The following RREB1 variants were observed in gnomAD, a reference collection of about 807,000 sequenced individuals.
RREB1 encodes the protein ras-responsive element-binding protein 1.
Under a neutral mutation model 117.8 loss-of-function variants are expected in RREB1, and 27 were observed. The observed-to-expected ratio is 0.23, with a 90% confidence interval of 0.17 to 0.32. RREB1 has a LOEUF of 0.32. RREB1 is among the 10% of genes least tolerant of loss of function. The pLI is 1.00. For synonymous variants in RREB1, 1,298 were observed against 1,026.7 expected (o/e 1.26, Z -5.05); for missense variants, 2,577 against 2,378.2 (o/e 1.08, Z -1.74).
chr6:7,125,987 T>TTTTTTTTG (rs111854148), intron 1 of RREB1, among the ~76,000 whole-genome samples: 3 of 150,688 alleles, frequency 2.0e-5, no homozygotes, highest in Non-Finnish European at 3.0e-5. Context: ...AAGGACTGTT[T>TTTTTTTTG]TTTGTTTGTT....
In RREB1 at chr6:7,251,724, T is replaced by C. The variant is rs1344638545; in HGVS notation, c.*2756T>C. 1 of 152,196 alleles carries C rather than the reference T, an allele frequency of 6.6e-6. No homozygotes were observed. Among genetic ancestry groups the C allele is most frequent in the African/African-American group, 2.4e-5 (1 of 41,448 alleles). 9.4% of individuals were successfully genotyped at this position (152,196 alleles called of 1,614,324 possible). A position where few individuals can be genotyped will look rare whatever the true frequency, so the allele number is the denominator to read the frequency against. ...TCAAGAAGGAAATTGATCCTAGTGA[T>C]TTCAGCCCATGCATTAAACAGGAAA... On this transcript the variant is annotated 3_prime_UTR_variant, in exon 13 of 13. Transcript: ENST00000379938.
At chr6:7,180,726 T>C (rs1331365748) in intron 2 of RREB1, among the ~76,000 whole-genome samples, 1 of 152,240 alleles carries the variant, frequency 6.6e-6, no homozygotes, top group Non-Finnish European at 1.5e-5. Context: ...ACTCAGCCTT[T>C]AGTGAATGCC....
chr6:7,238,512 C>A (rs934717577), intron 10 of RREB1, among the ~76,000 whole-genome samples: 1 of 152,250 alleles, frequency 6.6e-6, no homozygotes, highest in African/African-American at 2.4e-5. Flanking sequence ...GTTGGGATTA[C>A]AGGCGTGAGC....
At chr6:7,139,369 C>G (rs1211005023) in intron 1 of RREB1, 1 of 152,068 alleles carries the variant, frequency 6.6e-6, no homozygotes, top group Admixed American at 6.5e-5. Flanking sequence ...GAGGAAAAGA[C>G]AGTATCAGTA....
At chr6:7,242,135 G>C (rs1057003694) in intron 11 of RREB1, among the ~76,000 whole-genome samples, 1 of 152,242 alleles carries the variant, frequency 6.6e-6, no homozygotes, top group African/African-American at 2.4e-5. Context: ...AACTGAGGGA[G>C]CTGAGGGGGA....
chr6:7,189,147 T>C lies in RREB1; in HGVS notation c.262-12T>C. The C allele has an allele frequency of 6.2e-7, 1 of 1,610,356 alleles. No individual in the cohort carries two copies. The highest frequency in any genetic ancestry group is 8.5e-7 in the Non-Finnish European group (1 of 1,178,902). ...TTTCTTAAGTGACCGCTGTGACCAT[T>C]GCTTTCTGCAGCACAACACAGACAC... On this transcript the variant is annotated splice_polypyrimidine_tract_variant and intron_variant, in intron 5 of 12. Coordinates refer to ENST00000379938, the MANE Select transcript of RREB1 (RefSeq NM_001003699.4).
chr6:7,126,419 C>T (rs1283678744), intron 1 of RREB1, among the ~76,000 whole-genome samples: 1 of 152,140 alleles, frequency 6.6e-6, no homozygotes, highest in Admixed American at 6.5e-5. Context: ...CAGGCACACG[C>T]CACCACATCT....
intron 9 of RREB1, among the ~76,000 whole-genome samples, chr6:7,227,554 T>A (rs537311756): frequency 3.1e-5 from 4 of 129,286 alleles, no homozygotes; most frequent in East Asian, 4.3e-4. Flanking sequence ...AAAAAAAAAT[T>A]TTTTTTTTAA....
Position 7,231,686 on chromosome 6 carries a change from T to A in RREB1, c.3587T>A (p.Phe1196Tyr). The change falls in exon 10 of 13, where the codon TTT becomes TAT. Residue 1196 changes from phenylalanine to tyrosine, a missense_variant. By Grantham distance (22) the Phe-to-Tyr change is conservative (BLOSUM62 3). Transcript: ENST00000379938. ...ACAGACACCAACAAGTTCAGTCCGT[T>A]TCTGCAGACAGCGGAGGACAACACT... is the stretch of plus-strand genomic sequence containing the variant. ...ATTDTNKFSP[F>Y]LQTAEDNTQD... 6.2e-7 allele frequency: 1 copy of A among 1,612,388 alleles called. No homozygotes were observed. Among genetic ancestry groups the A allele is most frequent in the Non-Finnish European group, 8.5e-7 (1 of 1,178,912 alleles).
intron 6 of RREB1, among the ~76,000 whole-genome samples, chr6:7,193,896 C>T (rs978337654): frequency 1.5e-4 from 23 of 152,124 alleles, no homozygotes; most frequent in Non-Finnish European, 5.9e-5. Flanking sequence ...CTGATTGGGA[C>T]GCACAGACTG....
intron 6 of RREB1, among the ~76,000 whole-genome samples, chr6:7,191,271 C>T (rs756928258): frequency 1.3e-5 from 2 of 151,562 alleles, no homozygotes; most frequent in East Asian, 1.9e-4. Context: ...TACATTATAC[C>T]GTGTAAAGTG....
intron 6 of RREB1, 117 bp from the exon 7 acceptor site, chr6:7,210,687 C>A: frequency 2.5e-6 from 2 of 786,770 alleles, no homozygotes; most frequent in Non-Finnish European, 2.0e-6. Flanking sequence ...TAAATTATAC[C>A]TCATATCTCT....
chr6:7,222,548 T>C (rs1767326762), intron 8 of RREB1, among the ~76,000 whole-genome samples: 1 of 152,182 alleles, frequency 6.6e-6, no homozygotes. Context: ...ACGTCTTTAT[T>C]GTCATGCCTT....
At chr6:7,173,110 ACT>A (rs1377962511) in intron 1 of RREB1, among the ~76,000 whole-genome samples, 3 of 151,706 alleles carry the variant, frequency 2.0e-5, no homozygotes, top group East Asian at 1.9e-4. Context: ...TGTTGTGGAG[ACT>A]CTGCACTGTG....
At chr6:7,226,901 G>C (rs1037306337) in intron 9 of RREB1, among the ~76,000 whole-genome samples, 1 of 152,146 alleles carries the variant, frequency 6.6e-6, no homozygotes, top group Non-Finnish European at 1.5e-5. Context: ...CATCAGTCTA[G>C]CTCTTCTGTG....
chr6:7,230,112 C>T lies in RREB1; in HGVS notation c.2013C>T (p.Tyr671=), dbSNP rs963655186. ...GCTCCCACCTGGGCATCTCGCCATA[C>T]CAGTGCAACATCTGCGACTACATCG... ...HVRSHLGISP[Y]QCNICDYIAA... The change falls in exon 10 of 13, where the codon TAC becomes TAT. Residue 671 remains tyrosine, a synonymous_variant. Transcript: ENST00000379938. The T allele has an allele frequency of 1.2e-6, 2 of 1,604,646 alleles. No individual in the cohort carries two copies. Among genetic ancestry groups the T allele is most frequent in the Non-Finnish European group, 8.5e-7 (1 of 1,176,106 alleles).
chr6:7,167,367 T>TTTTC (rs1434837931), intron 1 of RREB1, among the ~76,000 whole-genome samples: 2 of 151,112 alleles, frequency 1.3e-5, no homozygotes, highest in Non-Finnish European at 3.0e-5. Context: ...TTTTTTTTTT[T>TTTTC]TTTGAGATGG....
At chr6:7,234,600 AAT>A (rs1234624574) in intron 10 of RREB1, among the ~76,000 whole-genome samples, 11 of 152,162 alleles carry the variant, frequency 7.2e-5, no homozygotes, top group Admixed American at 5.9e-4. Context: ...GGTAGATATA[AAT>A]ATAAACATTC....
Position 7,248,901 on chromosome 6 carries a change from G to C in RREB1, c.5162G>C (p.Ser1721Thr), listed in dbSNP as rs761070303. Residue 1721 changes from serine (S) to threonine (T), a missense_variant, in exon 13 of 13, where the codon AGC becomes ACC. Physicochemically the swap from Ser to Thr is moderately conservative, Grantham distance 58. Coordinates refer to ENST00000379938, the MANE Select transcript of RREB1 (RefSeq NM_001003699.4). The stretch of plus-strand genomic sequence containing the variant: ...GGGCAGGACCTGCTGGAGCCGCGCA[G>C]CAAGAGGCCTGCCCACCCAATCCTG... ...ALGQDLLEPR[S>T]KRPAHPILAT... The C allele has an allele frequency of 1.1e-5, 17 of 1,561,216 alleles. No homozygotes were observed. The highest frequency in any genetic ancestry group is 1.4e-5 in the Non-Finnish European group (16 of 1,155,040).
Sources: gnomAD v4.1 joint callset for allele counts (sites outside exome capture counted in the v4.1 genomes callset) on GRCh38, gnomAD v4.1.1 for gene constraint, MANE v1.5 for transcripts, NCBI Gene and HGNC (gene_info 2026-07-23, HGNC 2026-07-21) for gene names.